CES1: variants seen among roughly 807,000 people sequenced by gnomAD.
The protein encoded by CES1 is liver carboxylesterase 1.
Under a neutral mutation model 53.0 loss-of-function variants are expected in CES1, and 50 were observed. The ratio of observed to expected loss-of-function variants is 0.94; its 90% CI spans 0.75 to 1.19. The LOEUF (loss-of-function observed/expected upper bound fraction) is 1.19, where lower values mean the gene tolerates loss of function less well. Among genes scored for constraint, CES1 ranks in the 50% most tolerant of loss-of-function variants. CES1 has a pLI of 0.00. For missense variants in CES1, 534 were observed against 538.0 expected (o/e 0.99, Z 0.07); for synonymous variants, 202 against 210.1 (o/e 0.96, Z 0.33).
At chr16:55,816,089 C>T (rs1334294642) in intron 8 of CES1, among the ~76,000 whole-genome samples, 1 of 152,298 alleles carries the variant, frequency 6.6e-6, no homozygotes, top group Non-Finnish European at 1.5e-5. Flanking sequence ...TCAAATGCCA[C>T]CTTCTCATTG....
At chr16:55,829,828 A>G (rs556233673) in intron 1 of CES1, among the ~76,000 whole-genome samples, 7 of 152,360 alleles carry the variant, frequency 4.6e-5, no homozygotes, top group Admixed American at 6.5e-5. Context: ...GGTCTGCTCC[A>G]TTCTTGCAGC....
At chr16:55,827,182 A>G (rs1389944002) in intron 2 of CES1, among the ~76,000 whole-genome samples, 1 of 152,056 alleles carries the variant, frequency 6.6e-6, no homozygotes, top group Non-Finnish European at 1.5e-5. Context: ...CTGGGATGAC[A>G]CAGCTCTCAA....
intron 10 of CES1, 73 bp downstream of exon 10, chr16:55,810,854 T>A (rs1441805197): frequency 6.9e-7 from 1 of 1,454,548 alleles, no homozygotes; most frequent in Non-Finnish European, 9.6e-7. Flanking sequence ...TGCCATTTAA[T>A]TGCTCTATGA....
chr16:55,818,355 G>A (rs1373444134), intron 7 of CES1, among the ~76,000 whole-genome samples: 2 of 152,228 alleles, frequency 1.3e-5, no homozygotes, highest in Admixed American at 1.3e-4. Flanking sequence ...AGACCCGCAG[G>A]TGTCGGTTCT....
chr16:55,819,668 T>A, intron 6 of CES1, 29 bp from the exon 7 acceptor site: 1 of 1,557,860 alleles, frequency 6.4e-7, no homozygotes, highest in Non-Finnish European at 8.9e-7. Context: ...ACAACAGAGT[T>A]CAAGAGCGAC....
chr16:55,828,246 A>G, intron 2 of CES1: 1 of 223,608 alleles, frequency 4.5e-6, no homozygotes, highest in Non-Finnish European at 9.1e-6. Context: ...TGTTCTCCTC[A>G]GGAATAGGCA....
intron 8 of CES1, among the ~76,000 whole-genome samples, chr16:55,815,414 G>A (rs1306396494): frequency 2.0e-5 from 3 of 152,188 alleles, no homozygotes; most frequent in African/African-American, 7.2e-5. Flanking sequence ...AAGTAGAAGA[G>A]GCTAAAAGTT....
rs1407644275 is a variant in CES1 at position 55,823,802 on chromosome 16, T to C, written c.406-119A>G. On this transcript the variant is annotated intron_variant, in intron 3 of 13. Transcript: ENST00000360526. ...ACTGAAGGAGGATGCTATCCAAAGT[T>C]CACCAGCTCCCAGCAACTTTGCAAA... The C allele has an allele frequency of 1.9e-6, 3 of 1,582,560 alleles. No individual in the cohort carries two copies. In the African/African-American group the frequency reaches 4.1e-5, roughly 21 times the overall value.
chr16:55,813,182 CT>C, intron 8 of CES1, 139 bp from the exon 9 acceptor site: 1 of 1,199,106 alleles, frequency 8.3e-7, no homozygotes, highest in Non-Finnish European at 1.2e-6. Context: ...AGGATCCTAA[CT>C]TAGGGGGGTA....
In CES1 at chr16:55,821,485, G is replaced by T; in HGVS notation, c.576C>A (p.His192Gln). ...AGCGCAGGGCAGCCACCTGGTCCAG[G>T]TGACCCCAGTTCCCCCGGCTGTGTT... ...GDEHSRGNWGHLDQVAALRWV... is the reference protein window; with the variant it reads ...GDEHSRGNWGQLDQVAALRWV... The change falls in exon 5 of 14, where the codon CAC becomes CAA. Residue 192 changes from histidine (H) to glutamine (Q), a missense_variant. By Grantham distance (24) the His-to-Gln change is conservative. Coordinates refer to ENST00000360526, the MANE Select transcript of CES1 (RefSeq NM_001025195.2). 1.5e-5 allele frequency: 24 copies of T among 1,614,190 alleles called. No individual in the cohort carries two copies. Among genetic ancestry groups the T allele is most frequent in the Non-Finnish European group, 1.9e-5 (23 of 1,180,042 alleles).
At position 55,810,658 on chromosome 16, in the gene CES1, C is replaced by A; in HGVS notation, c.1177G>T (p.Ala393Ser). ...GTGGCTTCTGGAATCAGTTCCTTAG[C>A]AATGCACTGAAATAGATCAAAAAGT... is the stretch of plus-strand genomic sequence containing the variant. ...LWKSYPLVCI[A>S]KELIPEATEK... Residue 393 changes from alanine (A) to serine (S), a missense_variant, in exon 11 of 14, where the codon GCT becomes TCT. Transcript: ENST00000360526. The A allele has an allele frequency of 1.2e-6, 2 of 1,614,160 alleles. No homozygotes were observed. Among genetic ancestry groups the A allele is most frequent in the Non-Finnish European group, 1.7e-6 (2 of 1,180,010 alleles).
intron 8 of CES1, among the ~76,000 whole-genome samples, chr16:55,815,592 T>C (rs1198837149): frequency 6.6e-6 from 1 of 152,144 alleles, no homozygotes; most frequent in Admixed American, 6.5e-5. Flanking sequence ...TCCTCCCCGT[T>C]TCTTACCCCT....
At chr16:55,814,922 G>A (rs186019882) in intron 8 of CES1, among the ~76,000 whole-genome samples, 9 of 152,352 alleles carry the variant, frequency 5.9e-5, no homozygotes, top group Non-Finnish European at 5.9e-5. Flanking sequence ...CTCCTTAAGA[G>A]GCTGTGCAGT....
At chr16:55,816,300 T>C (rs1423204076) in intron 8 of CES1, among the ~76,000 whole-genome samples, 1 of 152,132 alleles carries the variant, frequency 6.6e-6, no homozygotes, top group African/African-American at 2.4e-5. Flanking sequence ...TCCTGGCACA[T>C]AGGAAGTGTT....
chr16:55,818,324 AG>A (rs1234454208), intron 7 of CES1, among the ~76,000 whole-genome samples: 2 of 152,252 alleles, frequency 1.3e-5, no homozygotes, highest in African/African-American at 4.8e-5. Flanking sequence ...GGCAGGGAGC[AG>A]GGAAGGCAGA....
intron 3 of CES1, 124 bp from the exon 4 acceptor site, chr16:55,823,807 A>G: frequency 1.3e-6 from 2 of 1,564,994 alleles, no homozygotes; most frequent in East Asian, 2.3e-5. Context: ...AAAGTTCACC[A>G]GCTCCCAGCA....
At chr16:55,813,911 C>T (rs2031818499) in intron 8 of CES1, among the ~76,000 whole-genome samples, 1 of 152,368 alleles carries the variant, frequency 6.6e-6, no homozygotes, top group Admixed American at 6.5e-5. Flanking sequence ...CTCGCCGGAT[C>T]TCAGATGGAA....
rs200475030 is a variant in CES1, at chr16:55,811,210, C to A, written c.1087-200G>T. Among the ~76,000 whole-genome samples, 491 of 138,674 alleles carry A rather than the reference C, an allele frequency of 3.5e-3. No homozygotes were observed. Among genetic ancestry groups the A allele is most frequent in the Middle Eastern group, 7.4e-3 (2 of 272 alleles). 91.0% of individuals were successfully genotyped at this position (138,674 alleles called of 152,430 possible). On this transcript the variant is annotated intron_variant, in intron 9 of 13. Coordinates refer to ENST00000360526, the MANE Select transcript of CES1 (RefSeq NM_001025195.2). ...AGAAACTCAAGCATTGCAAAGTTTA[C>A]AAAAAAAAAAAACAAAAAACAAAAT... is the stretch of plus-strand genomic sequence containing the variant.
chr16:55,829,036 G>A (rs1485168188), intron 1 of CES1, 62 bp from the exon 2 acceptor site: 18 of 1,538,204 alleles, frequency 1.2e-5, no homozygotes, highest in Admixed American at 2.0e-5. Flanking sequence ...GATTCCAGGT[G>A]GAGTTTGCCG....
Sources: gnomAD v4.1 joint callset for allele counts (sites outside exome capture counted in the v4.1 genomes callset) on GRCh38, gnomAD v4.1.1 for gene constraint, MANE v1.5 for transcripts, NCBI Gene and HGNC (gene_info 2026-07-23, HGNC 2026-07-21) for gene names.